The following WWOX variants were observed in gnomAD, a reference collection of about 807,000 sequenced individuals.
WWOX encodes WW domain containing oxidoreductase.
WWOX carries 69 observed loss-of-function variants against 46.2 expected under a neutral mutation model. That is an observed-to-expected ratio of 1.49 (90% CI 1.23 to 1.82). WWOX has a LOEUF of 1.82. WWOX is among the 40% of genes most tolerant of loss of function. WWOX has a pLI of 0.00. For synonymous variants in WWOX, 359 were observed against 202.6 expected, an observed-to-expected ratio of 1.77 and a Z score of -6.56; for missense variants, 919 against 542.6, an observed-to-expected ratio of 1.69 and a Z score of -6.89.
chr16:78,444,759 T>G, intron 8 of WWOX, among the ~76,000 whole-genome samples: 1 of 152,064 alleles, frequency 6.6e-6, no homozygotes, highest in African/African-American at 2.4e-5. Context: ...CTCGATCTCC[T>G]GACCTCATGA....
chr16:78,741,933 G>T (rs567889011), intron 8 of WWOX, among the ~76,000 whole-genome samples: 74 of 152,248 alleles, frequency 4.9e-4, no homozygotes, highest in Non-Finnish European at 8.2e-4. Context: ...TAATTTTTTA[G>T]CAAAAGGATG....
intron 4 of WWOX, among the ~76,000 whole-genome samples, chr16:78,151,235 T>G (rs1183627731): frequency 6.6e-6 from 1 of 152,050 alleles, no homozygotes; most frequent in African/African-American, 2.4e-5. Flanking sequence ...CAGTATGTAT[T>G]TCTTATTATA....
intron 8 of WWOX, among the ~76,000 whole-genome samples, chr16:78,916,972 C>G (rs905961140): frequency 6.6e-6 from 1 of 152,106 alleles, no homozygotes; most frequent in Non-Finnish European, 1.5e-5. Context: ...CTCTTTTCAT[C>G]CCTTGGTTTT....
At chr16:78,581,343 A>C (rs555790561) in intron 8 of WWOX, among the ~76,000 whole-genome samples, 2 of 152,326 alleles carry the variant, frequency 1.3e-5, no homozygotes, top group South Asian at 2.1e-4. Flanking sequence ...GCATAATTCA[A>C]AATTCAATTG....
At chr16:78,712,535 G>T (rs1418564843) in intron 8 of WWOX, among the ~76,000 whole-genome samples, 1 of 151,868 alleles carries the variant, frequency 6.6e-6, no homozygotes, top group African/African-American at 2.4e-5. Context: ...GATTAAAAGA[G>T]ACTTAAGACA....
At chr16:78,780,935 A>G (rs1038947403) in intron 8 of WWOX, among the ~76,000 whole-genome samples, 1 of 152,216 alleles carries the variant, frequency 6.6e-6, no homozygotes, top group South Asian at 2.1e-4. Flanking sequence ...GAGCAGCAGC[A>G]GAAGTGTGCA....
At chr16:79,182,519 A>C (rs1395167932) in intron 8 of WWOX, among the ~76,000 whole-genome samples, 1 of 139,216 alleles carries the variant, frequency 7.2e-6, no homozygotes, top group African/African-American at 3.4e-5. Context: ...AGGGATCAGA[A>C]GGAGGGAAAG....
intron 8 of WWOX, among the ~76,000 whole-genome samples, chr16:78,744,619 A>T (rs958008599): frequency 6.6e-6 from 1 of 151,702 alleles, no homozygotes; most frequent in Non-Finnish European, 1.5e-5. Flanking sequence ...TTTAGTAGAG[A>T]TGAGGTTTCA....
chr16:78,608,973 C>G (rs1172488125), intron 8 of WWOX, among the ~76,000 whole-genome samples: 2 of 152,154 alleles, frequency 1.3e-5, no homozygotes, highest in Non-Finnish European at 2.9e-5. Flanking sequence ...GACAAATAAT[C>G]TAGCATGTCT....
chr16:78,226,145 C>T (rs748400146), intron 5 of WWOX, among the ~76,000 whole-genome samples: 2 of 152,154 alleles, frequency 1.3e-5, no homozygotes, highest in Admixed American at 1.3e-4. Flanking sequence ...GAATGAACCG[C>T]TAGAGATGAA....
chr16:78,609,636 C>T (rs1459878728), intron 8 of WWOX, among the ~76,000 whole-genome samples: 1 of 151,722 alleles, frequency 6.6e-6, no homozygotes, highest in African/African-American at 2.4e-5. Context: ...CTTCCTGGTC[C>T]CTGTCACTCT....
chr16:78,914,006 T>C (rs1215863846), intron 8 of WWOX, among the ~76,000 whole-genome samples: 3 of 151,964 alleles, frequency 2.0e-5, no homozygotes, highest in Non-Finnish European at 2.9e-5. Context: ...AATTCACTGA[T>C]ATTATTGGTC....
chr16:78,149,671 T>G (rs1055170222), intron 4 of WWOX, among the ~76,000 whole-genome samples: 1 of 152,188 alleles, frequency 6.6e-6, no homozygotes, highest in African/African-American at 2.4e-5. Flanking sequence ...TTAGCTTAAA[T>G]TATACACATG....
chr16:78,483,589 G>C (rs182182865), intron 8 of WWOX, among the ~76,000 whole-genome samples: 4 of 152,040 alleles, frequency 2.6e-5, no homozygotes, highest in Non-Finnish European at 5.9e-5. Context: ...AAAATCAATA[G>C]GGATTAACCT....
intron 5 of WWOX, among the ~76,000 whole-genome samples, chr16:78,303,797 G>C (rs763211306): frequency 1.1e-4 from 16 of 152,098 alleles, no homozygotes; most frequent in Non-Finnish European, 2.1e-4. Flanking sequence ...ACTTGGCCTT[G>C]GCCTCCCAAA....
At position 79,071,656 on chromosome 16, in the gene WWOX, T is replaced by A. The variant is rs553375229; in HGVS notation, c.1057-139952T>A. 2.6e-5 allele frequency among the ~76,000 whole-genome samples: 4 copies of A among 152,370 alleles called. No homozygotes were observed. In the South Asian group the frequency reaches 8.3e-4, roughly 32 times the overall value. On this transcript the variant is annotated intron_variant, in intron 8 of 8. Transcript: ENST00000566780. ...CTCTCTGCTGGTTTTGCTAAACCAC[T>A]CTTGGGTCTTTCTTGGCCTCCTGCC...
chr16:79,202,124 G>A (rs1318024222), intron 8 of WWOX, among the ~76,000 whole-genome samples: 5 of 152,126 alleles, frequency 3.3e-5, no homozygotes, highest in African/African-American at 7.2e-5. Flanking sequence ...GTCGATGGCC[G>A]CTTTCACAAC....
At chr16:78,661,191 T>C (rs1320000271) in intron 8 of WWOX, among the ~76,000 whole-genome samples, 1 of 152,158 alleles carries the variant, frequency 6.6e-6, no homozygotes, top group Non-Finnish European at 1.5e-5. Flanking sequence ...GTTAAACCAA[T>C]TTCCTCTCTA....
At chr16:78,979,550 T>C (rs2046640524) in intron 8 of WWOX, among the ~76,000 whole-genome samples, 1 of 152,180 alleles carries the variant, frequency 6.6e-6, no homozygotes, top group African/African-American at 2.4e-5. Context: ...TAGCGATGGC[T>C]AAGGCTCCTG....
Sources: gnomAD v4.1 joint callset for allele counts (sites outside exome capture counted in the v4.1 genomes callset) on GRCh38, gnomAD v4.1.1 for gene constraint, MANE v1.5 for transcripts, NCBI Gene and HGNC (gene_info 2026-07-23, HGNC 2026-07-21) for gene names.